SEC23B: variants seen among roughly 807,000 people sequenced by gnomAD.
The protein encoded by SEC23B is protein transport protein Sec23B.
Under a neutral mutation model 104.3 loss-of-function variants are expected in SEC23B, and 77 were observed. The observed-to-expected ratio is 0.74, with a 90% CI of 0.61 to 0.89. SEC23B has a LOEUF of 0.89. Among genes scored for constraint, SEC23B ranks in the 40% least tolerant of loss-of-function variants. The pLI is 0.00. For synonymous variants in SEC23B, 338 were observed against 332.5 expected (o/e 1.02, Z -0.18); for missense variants, 885 against 949.4 (o/e 0.93, Z 0.89).
At position 18,534,607 on chromosome 20, in the gene SEC23B, C is replaced by T. The variant is rs141786530; in HGVS notation, c.1315-1046C>T. Among the ~76,000 whole-genome samples the T allele has an allele frequency of 6.2e-3, 945 of 152,318 alleles. 12 individuals carry two copies. Among genetic ancestry groups the T allele is most frequent in the African/African-American group, 0.022 (905 of 41,564 alleles). ...GGAACACTTCCCCCTTTGCCATTAG[C>T]AGGCAATCTTTTGAATGAGAGTGTG... is the stretch of plus-strand genomic sequence containing the variant. On this transcript the variant is annotated intron_variant, in intron 11 of 19. Transcript: ENST00000650089.
chr20:18,547,461 G>A (rs909802608), intron 15 of SEC23B, among the ~76,000 whole-genome samples: 4 of 152,108 alleles, frequency 2.6e-5, no homozygotes, highest in South Asian at 2.1e-4. Flanking sequence ...GCTCATTTTC[G>A]TGTTCTGGCA....
intron 10 of SEC23B, among the ~76,000 whole-genome samples, chr20:18,532,274 G>A (rs1449658184): frequency 1.3e-5 from 2 of 152,160 alleles, no homozygotes; most frequent in East Asian, 3.8e-4. Flanking sequence ...TATTTTTAAA[G>A]CAACACAAAA....
At chr20:18,549,405 G>C (rs1054117976) in intron 16 of SEC23B, among the ~76,000 whole-genome samples, 24 of 151,978 alleles carry the variant, frequency 1.6e-4, no homozygotes, top group Admixed American at 2.0e-4. Flanking sequence ...ATGGTTTAGG[G>C]AATAATGACA....
chr20:18,527,758 T>C, intron 9 of SEC23B, 147 bp downstream of exon 9: 1 of 748,468 alleles, frequency 1.3e-6, no homozygotes, highest in Non-Finnish European at 2.5e-6. Context: ...GGGGAGGGCC[T>C]GTGGGCTCCT....
At chr20:18,525,988 A>G (rs1230147729) in intron 7 of SEC23B, 56 bp downstream of exon 7, 4 of 1,567,742 alleles carry the variant, frequency 2.6e-6, no homozygotes, top group Non-Finnish European at 3.5e-6. Flanking sequence ...CTCAGAAAAT[A>G]TATTTGTTGG....
rs139882548 is a variant in SEC23B, at chr20:18,548,674, A to G, written c.1809A>G (p.Ser603=). The G allele has an allele frequency of 3.4e-4, 556 of 1,614,094 alleles. 1 individual carries two copies. In the Middle Eastern group the frequency reaches 6.9e-3, roughly 20 times the overall value. Residue 603 remains serine (S), a synonymous_variant, in exon 16 of 20, where the codon TCA becomes TCG. Coordinates refer to ENST00000650089, the MANE Select transcript of SEC23B (RefSeq NM_006363.6). ...TTAACAACAGTCCTGATGAGTCGTC[A>G]TATTACAGACATCATTTTGCCCGGC... ...QVFNNSPDES[S]YYRHHFARQD... is the part of the protein sequence containing the mutation.
chr20:18,524,806 C>T, intron 5 of SEC23B, 129 bp from the exon 6 acceptor site: 1 of 1,231,682 alleles, frequency 8.1e-7, no homozygotes, highest in Non-Finnish European at 1.2e-6. Flanking sequence ...CATTGGCCCA[C>T]CTCAGCCTCA....
At chr20:18,548,258 CT>C (rs201537035) in intron 15 of SEC23B, among the ~76,000 whole-genome samples, 1 of 77,548 alleles carries the variant, frequency 1.3e-5, no homozygotes, top group African/African-American at 3.3e-5. Context: ...GCCAAAGGCC[CT>C]TTAAAAAAAA....
intron 4 of SEC23B, 31 bp downstream of exon 4, chr20:18,515,767 A>G (rs967803871): frequency 1.4e-5 from 18 of 1,246,866 alleles, no homozygotes; most frequent in Admixed American, 3.4e-5. Context: ...TTAATGAGCA[A>G]TGTTAAATAC....
At chr20:18,522,686 G>A (rs909482835) in intron 4 of SEC23B, among the ~76,000 whole-genome samples, 3 of 100,282 alleles carry the variant, frequency 3.0e-5, no homozygotes, top group African/African-American at 9.1e-5. Flanking sequence ...AACAGGCTTT[G>A]TGTGAGCAAC....
chr20:18,531,797 C>T (rs2060190606), intron 10 of SEC23B, among the ~76,000 whole-genome samples: 1 of 151,792 alleles, frequency 6.6e-6, no homozygotes, highest in South Asian at 2.1e-4. Flanking sequence ...TGTCTGTAAT[C>T]CCAGCACTTT....
rs757889080 is a variant in SEC23B at position 18,543,161 on chromosome 20, CT to C, written c.1655del (p.Leu552ProfsTer35). On this transcript the variant is annotated frameshift_variant, in exon 14 of 20. Transcript: ENST00000650089. LOFTEE classifies it high-confidence loss of function. ...TGTGCTCCGGTGGCTGGACCGACAA[CT>C]CATCCGACTGGTAAATTGGGGACAG... Reference protein sequence around the residue: ...PDVLRWLDRQLIRLCQKFGQY... With the variant: ...PDVLRWLDRQXIRLCQKFGQY... 11 of 1,614,152 alleles carry C rather than the reference CT, an allele frequency of 6.8e-6. No individual in the cohort carries two copies. The South Asian group carries it at 1.1e-4, about 16-fold the overall frequency.
At chr20:18,517,639 AT>A (rs1191981320) in intron 4 of SEC23B, among the ~76,000 whole-genome samples, 1 of 152,144 alleles carries the variant, frequency 6.6e-6, no homozygotes, top group Non-Finnish European at 1.5e-5. Flanking sequence ...ATATGGAGAG[AT>A]TAATGGGCGA....
intron 12 of SEC23B, among the ~76,000 whole-genome samples, chr20:18,537,411 T>A (rs1286696693): frequency 6.6e-6 from 1 of 151,440 alleles, no homozygotes; most frequent in African/African-American, 2.4e-5. Flanking sequence ...TATGCAGCCA[T>A]AAAAAACGAT....
At chr20:18,546,172 G>A (rs952496498) in intron 15 of SEC23B, 139 bp downstream of exon 15, 20 of 654,572 alleles carry the variant, frequency 3.1e-5, no homozygotes, top group African/African-American at 1.6e-4. Flanking sequence ...AACCCAAGTC[G>A]AATATGTGTC....
At chr20:18,553,779 T>C (rs1246812638) in intron 17 of SEC23B, among the ~76,000 whole-genome samples, 1 of 152,182 alleles carries the variant, frequency 6.6e-6, no homozygotes, top group Non-Finnish European at 1.5e-5. Context: ...CACGCAAGTC[T>C]GTATGACTAC....
At chr20:18,539,770 G>A (rs1600261002) in intron 12 of SEC23B, among the ~76,000 whole-genome samples, 1 of 150,936 alleles carries the variant, frequency 6.6e-6, no homozygotes, top group South Asian at 2.1e-4. Context: ...TCAGCCTCCC[G>A]AGTAGCTGGG....
chr20:18,545,924 T>G, intron 14 of SEC23B, 32 bp from the exon 15 acceptor site: 1 of 1,204,684 alleles, frequency 8.3e-7, no homozygotes, highest in Non-Finnish European at 1.2e-6. Flanking sequence ...TTTGTGTGTG[T>G]TTGTTTGTTT....
rs750181418 is a variant in SEC23B, at chr20:18,510,948, T to C, written c.113T>C (p.Leu38Pro). The part of the protein sequence containing the change: ...RLEATRMVVP[L>P]ACLLTPLKER... ...GAGGCTACAAGAATGGTTGTACCCC[T>C]GGCTTGTCTCCTTACTCCTTTGAAA... The change falls in exon 2 of 20, where the codon CTG becomes CCG. Residue 38 changes from leucine to proline, a missense_variant. Physicochemically the swap from Leu to Pro is moderately conservative, Grantham distance 98 (BLOSUM62 -3). Coordinates refer to ENST00000650089, the MANE Select transcript of SEC23B (RefSeq NM_006363.6). 2.5e-6 allele frequency: 4 copies of C among 1,613,984 alleles called. No individual in the cohort carries two copies. In the African/African-American group the frequency reaches 5.3e-5, roughly 22 times the overall value.
Sources: gnomAD v4.1 joint callset for allele counts (sites outside exome capture counted in the v4.1 genomes callset) on GRCh38, gnomAD v4.1.1 for gene constraint, MANE v1.5 for transcripts, NCBI Gene and HGNC (gene_info 2026-07-23, HGNC 2026-07-21) for gene names.